MYO16: variants seen among roughly 807,000 people sequenced by gnomAD.
MYO16 encodes myosin XVI, also known as unconventional myosin-XVI.
MYO16 carries 94 observed loss-of-function variants against 205.3 expected under a neutral mutation model. That is an observed-to-expected ratio of 0.46 (90% confidence interval 0.39 to 0.54). The LOEUF (loss-of-function observed/expected upper bound fraction) is 0.54, where lower values mean the gene tolerates loss of function less well. Ranked by LOEUF, MYO16 falls within the 20% of genes least tolerant of loss-of-function variation. MYO16 has a pLI of 0.00. For missense variants in MYO16, 2,315 were observed against 2,387.5 expected (o/e 0.97, Z 0.63); for synonymous variants, 988 against 954.0 (o/e 1.04, Z -0.66).
At chr13:108,575,868 A>G in the MYO16 span, among the ~76,000 whole-genome samples, 8 of 152,006 alleles carry the variant, frequency 5.3e-5, no homozygotes, top group Non-Finnish European at 8.8e-5. Flanking sequence ...AAAGATTCCA[A>G]CCTAATTTCC....
chr13:109,077,842 A>C (rs1594064273), intron 27 of MYO16, among the ~76,000 whole-genome samples: 1 of 152,224 alleles, frequency 6.6e-6, no homozygotes, highest in Non-Finnish European at 1.5e-5. Context: ...TAAAATTTGG[A>C]AAATTTTTCA....
intron 31 of MYO16, among the ~76,000 whole-genome samples, chr13:109,130,723 G>A (rs1303050510): frequency 6.6e-6 from 1 of 152,200 alleles, no homozygotes; most frequent in Non-Finnish European, 1.5e-5. Context: ...AGGAGCTGAA[G>A]GTGGTTGAGT....
intron 13 of MYO16, among the ~76,000 whole-genome samples, chr13:108,885,150 G>A (rs1879808337): frequency 6.6e-6 from 1 of 152,046 alleles, no homozygotes; most frequent in Non-Finnish European, 1.5e-5. Flanking sequence ...ACGGAGTTTC[G>A]TTCTTGTTGC....
chr13:108,630,155 A>C (rs1479736703), intron 1 of MYO16, among the ~76,000 whole-genome samples: 1 of 150,920 alleles, frequency 6.6e-6, no homozygotes, highest in Admixed American at 6.6e-5. Flanking sequence ...AAAAAAAAAA[A>C]CACCAGAAAC....
At chr13:108,720,819 T>C (rs768677164) in intron 3 of MYO16, among the ~76,000 whole-genome samples, 1 of 152,192 alleles carries the variant, frequency 6.6e-6, no homozygotes, top group Non-Finnish European at 1.5e-5. Context: ...GAAAGATAAC[T>C]CTTATGTATG....
At chr13:108,801,131 G>A (rs1274058235) in intron 6 of MYO16, among the ~76,000 whole-genome samples, 1 of 152,098 alleles carries the variant, frequency 6.6e-6, no homozygotes, top group African/African-American at 2.4e-5. Context: ...AATATGCCGA[G>A]TTCATAGAAA....
At chr13:108,741,801 C>T (rs1175282499) in intron 4 of MYO16, among the ~76,000 whole-genome samples, 2 of 152,124 alleles carry the variant, frequency 1.3e-5, no homozygotes, top group African/African-American at 4.8e-5. Flanking sequence ...GCCCAGTATA[C>T]TTTAGGAATT....
intron 19 of MYO16, among the ~76,000 whole-genome samples, chr13:108,963,896 C>A (rs1270959132): frequency 1.3e-5 from 2 of 152,186 alleles, no homozygotes; most frequent in Non-Finnish European, 2.9e-5. Context: ...AATGGCCACA[C>A]CCACTTTCAC....
chr13:108,574,974 T>C, the MYO16 span, among the ~76,000 whole-genome samples: 1 of 152,088 alleles, frequency 6.6e-6, no homozygotes, highest in East Asian at 1.9e-4. Flanking sequence ...GTATAAGGTG[T>C]ACTCACATAC....
chr13:108,859,863 A>G (rs1878370000), intron 11 of MYO16, among the ~76,000 whole-genome samples: 1 of 152,186 alleles, frequency 6.6e-6, no homozygotes, highest in South Asian at 2.1e-4. Context: ...TGGTTAGCCA[A>G]GAGAATTCTG....
chr13:108,510,481 T>A, the MYO16 span, among the ~76,000 whole-genome samples: 2 of 134,478 alleles, frequency 1.5e-5, no homozygotes, highest in African/African-American at 2.9e-5. Flanking sequence ...TTTTTTTTTT[T>A]TTTTATTGTA....
chr13:109,096,147 C>T (rs1415347891), intron 27 of MYO16, among the ~76,000 whole-genome samples: 4 of 152,138 alleles, frequency 2.6e-5, no homozygotes. Flanking sequence ...ATTTCCTCTC[C>T]CAGCTCTGGA....
At chr13:109,124,636 G>A (rs1316842656) in intron 29 of MYO16, among the ~76,000 whole-genome samples, 1 of 152,100 alleles carries the variant, frequency 6.6e-6, no homozygotes, top group Non-Finnish European at 1.5e-5. Context: ...TTTTTCCAGA[G>A]TCTTAAATAT....
intron 2 of MYO16, among the ~76,000 whole-genome samples, chr13:108,668,500 A>C (rs777871587): frequency 4.4e-4 from 67 of 152,154 alleles, no homozygotes; most frequent in Admixed American, 1.8e-3. Flanking sequence ...TGTAGGTCTG[A>C]GGTGAGGTAT....
At position 109,167,955 on chromosome 13, in the gene MYO16, A is replaced by G. The variant is rs1878755506; in HGVS notation, c.5323+2896A>G. 2.6e-5 allele frequency among the ~76,000 whole-genome samples: 4 copies of G among 152,314 alleles called. 1 individual carries two copies. The South Asian group carries it at 8.3e-4, about 32-fold the overall frequency. ...TGCTTAGAGATAAAGGAAAGAATAA[A>G]GAATAACTAAAAAGGCAGTAAAATT... On this transcript the variant is annotated intron_variant, in intron 33 of 34. Coordinates refer to ENST00000457511, the MANE Select transcript of MYO16 (RefSeq NM_001198950.3).
At chr13:108,870,169 C>T (rs112403176) in intron 12 of MYO16, among the ~76,000 whole-genome samples, 2 of 151,698 alleles carry the variant, frequency 1.3e-5, no homozygotes, top group Non-Finnish European at 1.5e-5. Flanking sequence ...TTTTTCTGTA[C>T]CAATTGTTGA....
At chr13:109,169,014 C>G (rs1175180382) in intron 33 of MYO16, among the ~76,000 whole-genome samples, 3 of 152,114 alleles carry the variant, frequency 2.0e-5, no homozygotes, top group Non-Finnish European at 2.9e-5. Context: ...TCATTCCATC[C>G]CATCCTCCCA....
At chr13:108,964,148 C>T (rs1460871745) in intron 19 of MYO16, among the ~76,000 whole-genome samples, 2 of 152,208 alleles carry the variant, frequency 1.3e-5, no homozygotes, top group Non-Finnish European at 2.9e-5. Flanking sequence ...CATTCACACT[C>T]AGCCCTCCTG....
intron 4 of MYO16, among the ~76,000 whole-genome samples, chr13:108,743,264 A>G (rs1014268367): frequency 6.6e-6 from 1 of 152,152 alleles, no homozygotes; most frequent in Non-Finnish European, 1.5e-5. Context: ...TGAAAAAAAC[A>G]TTTGGGGTGG....
Sources: gnomAD v4.1 joint callset for allele counts (sites outside exome capture counted in the v4.1 genomes callset) on GRCh38, gnomAD v4.1.1 for gene constraint, MANE v1.5 for transcripts, NCBI Gene and HGNC (gene_info 2026-07-23, HGNC 2026-07-21) for gene names.